The following FGD5 variants were observed in gnomAD, a reference collection of about 807,000 sequenced individuals.
FGD5 encodes the protein FYVE, RhoGEF and PH domain-containing protein 5.
Under a neutral mutation model 133.4 loss-of-function variants are expected in FGD5, and 28 were observed. The ratio of observed to expected loss-of-function variants is 0.21; its 90% CI spans 0.16 to 0.29. The LOEUF (loss-of-function observed/expected upper bound fraction) is 0.29, where lower values mean the gene tolerates loss of function less well. Ranked by LOEUF, FGD5 falls within the 10% of genes least tolerant of loss-of-function variation. The pLI, the probability that FGD5 is intolerant of heterozygous loss-of-function variation, is 1.00. For synonymous variants in FGD5, 810 were observed against 776.5 expected (o/e 1.04, Z -0.72); for missense variants, 1,858 against 1,895.2 (o/e 0.98, Z 0.36).
At chr3:14,911,768 G>A (rs1575252444) in intron 11 of FGD5, among the ~76,000 whole-genome samples, 2 of 148,188 alleles carry the variant, frequency 1.3e-5, no homozygotes, top group East Asian at 2.0e-4. Context: ...AGTTATGAGC[G>A]CGATATGGAG....
chr3:14,839,901 C>T (rs1383071294), intron 1 of FGD5, among the ~76,000 whole-genome samples: 1 of 151,546 alleles, frequency 6.6e-6, no homozygotes, highest in Admixed American at 6.6e-5. Context: ...CCACTGCATT[C>T]CAGCCTGGGC....
chr3:14,927,493 A>G (rs2038826346), intron 18 of FGD5, among the ~76,000 whole-genome samples: 2 of 152,204 alleles, frequency 1.3e-5, no homozygotes, highest in South Asian at 2.1e-4. Flanking sequence ...TGAATGAATG[A>G]TGGACTTAAG....
At chr3:14,866,829 T>C (rs1423051076) in intron 2 of FGD5, among the ~76,000 whole-genome samples, 1 of 151,990 alleles carries the variant, frequency 6.6e-6, no homozygotes, top group East Asian at 1.9e-4. Context: ...GGGTCCTTCA[T>C]GTGTCCTGTG....
At chr3:14,884,123 C>T (rs1478899886) in intron 4 of FGD5, among the ~76,000 whole-genome samples, 1 of 152,228 alleles carries the variant, frequency 6.6e-6, no homozygotes, top group Non-Finnish European at 1.5e-5. Flanking sequence ...GGGCCAAGGA[C>T]CTTATGCCTT....
intron 1 of FGD5, among the ~76,000 whole-genome samples, chr3:14,856,714 A>T (rs1042329007): frequency 3.3e-5 from 5 of 152,080 alleles, no homozygotes; most frequent in Admixed American, 2.6e-4. Context: ...TAGAAATGCT[A>T]CGGATTTTTA....
upstream of FGD5, among the ~76,000 whole-genome samples, chr3:14,815,631 A>G (rs1428067792): frequency 6.6e-6 from 1 of 152,216 alleles, no homozygotes; most frequent in Non-Finnish European, 1.5e-5. Context: ...TTGGTCAGTT[A>G]GTAGTTCTGA....
At chr3:14,883,927 G>A (rs1339602439) in intron 4 of FGD5, among the ~76,000 whole-genome samples, 1 of 152,224 alleles carries the variant, frequency 6.6e-6, no homozygotes, top group African/African-American at 2.4e-5. Flanking sequence ...GGAAGAGGGC[G>A]TGTAAGGTAA....
In FGD5 at chr3:14,922,755, A is replaced by G. The variant is rs1269585450; in HGVS notation, c.3807+207A>G. On this transcript the variant is annotated intron_variant, in intron 15 of 19. Transcript: ENST00000285046. The surrounding 1 kb of genome is among the most constrained non-coding windows in gnomAD (Gnocchi z 4.1). ...GCTCCAAGTCCCAGGCCTCTTCCACACCACCACGTTTTCAACAGAAAACCG... is the reference window on the plus strand; with the variant it reads ...GCTCCAAGTCCCAGGCCTCTTCCACGCCACCACGTTTTCAACAGAAAACCG... 6.6e-6 allele frequency among the ~76,000 whole-genome samples: 1 copy of G among 152,168 alleles called. No individual in the cohort carries two copies. The highest frequency in any genetic ancestry group is 1.9e-4 in the East Asian group (1 of 5,192).
At chr3:14,858,941 G>A (rs2037342799) in intron 1 of FGD5, among the ~76,000 whole-genome samples, 1 of 152,094 alleles carries the variant, frequency 6.6e-6, no homozygotes, top group African/African-American at 2.4e-5. Context: ...TGACAGCCTT[G>A]GTTTTAGTAT....
chr3:14,821,075 A>G lies in FGD5; in HGVS notation c.2004A>G (p.Lys668=). Residue 668 remains lysine (K), a synonymous_variant, in exon 1 of 20, where the codon AAA becomes AAG. Coordinates refer to ENST00000285046, the MANE Select transcript of FGD5 (RefSeq NM_152536.4). ...CGTTTAAGAAGAAGACGGAGAACAAATTGCATGTGGATGTGAACGTGTCTT... is the reference window on the plus strand; with the variant it reads ...CGTTTAAGAAGAAGACGGAGAACAAGTTGCATGTGGATGTGAACGTGTCTT... ...ALTFKKKTEN[K]LHVDVNVSSS... 1 of 1,613,880 alleles carries G rather than the reference A, an allele frequency of 6.2e-7. No individual in the cohort carries two copies. Among genetic ancestry groups the G allele is most frequent in the Non-Finnish European group, 8.5e-7 (1 of 1,179,840 alleles).
chr3:14,926,126 G>A lies in FGD5; in HGVS notation c.4125G>A (p.Arg1375=). The change falls in exon 18 of 20, where the codon AGG becomes AGA. Residue 1375 remains arginine, a synonymous_variant. Coordinates refer to ENST00000285046, the MANE Select transcript of FGD5 (RefSeq NM_152536.4). ...GTGGCTATCTCAGCCGGTGTAAGAG[G>A]GGCAAGCGGCACTGGAAGAAGCTCT... is the stretch of plus-strand genomic sequence containing the variant. ...AISGYLSRCK[R]GKRHWKKLWF... 6.2e-7 allele frequency: 1 copy of A among 1,613,946 alleles called. No homozygotes were observed. The highest frequency in any genetic ancestry group is 8.5e-7 in the Non-Finnish European group (1 of 1,179,854).
chr3:14,907,757 G>T (rs1380115919), intron 10 of FGD5, 46 bp downstream of exon 10: 5 of 1,580,146 alleles, frequency 3.2e-6, no homozygotes, highest in Non-Finnish European at 3.5e-6. Context: ...GCTGGGCGAG[G>T]CTCCGATAAG....
In FGD5 at chr3:14,820,391, G is replaced by T; in HGVS notation, c.1320G>T (p.Ala440=). The part of the protein sequence containing the change: ...YVMGVGLPGQ[A]APGEGGQAAS... ...TGGGAGTGGGCCTGCCCGGTCAGGC[G>T]GCCCCTGGAGAAGGAGGGCAGGCTG... Residue 440 remains alanine, a synonymous_variant, in exon 1 of 20, where the codon GCG becomes GCT. Coordinates refer to ENST00000285046, the MANE Select transcript of FGD5 (RefSeq NM_152536.4). 6.2e-7 allele frequency: 1 copy of T among 1,613,904 alleles called. No individual in the cohort carries two copies. The highest frequency in any genetic ancestry group is 8.5e-7 in the Non-Finnish European group (1 of 1,179,862).
chr3:14,867,057 A>G (rs1173451723), intron 2 of FGD5, among the ~76,000 whole-genome samples: 5 of 152,222 alleles, frequency 3.3e-5, no homozygotes, highest in Admixed American at 6.5e-5. Flanking sequence ...TAAGGCTTGC[A>G]TTATATACCA....
chr3:14,855,786 G>A lies in FGD5; in HGVS notation c.2526-8342G>A, dbSNP rs540370225. On this transcript the variant is annotated intron_variant, in intron 1 of 19. Coordinates refer to ENST00000285046, the MANE Select transcript of FGD5 (RefSeq NM_152536.4). Reference sequence around the variant, plus strand: ...CTATTCTGGATATTAATCCCCTGTCGGATGAGTAGTTTGCAGATATTTTCT... The same window carrying A: ...CTATTCTGGATATTAATCCCCTGTCAGATGAGTAGTTTGCAGATATTTTCT... Among the ~76,000 whole-genome samples, 16 of 151,904 alleles carry A rather than the reference G, an allele frequency of 1.1e-4. No individual in the cohort carries two copies. The East Asian group carries it at 1.5e-3, about 15-fold the overall frequency.
rs1267343010 is a variant in FGD5, at chr3:14,933,207, C to A, written c.*40C>A. Reference sequence around the variant, plus strand: ...GTGGACTTGTAACAAATTCTTAGGTCAATATGTGAATGCTTTTAGAAGCTA... The same window carrying A: ...GTGGACTTGTAACAAATTCTTAGGTAAATATGTGAATGCTTTTAGAAGCTA... On this transcript the variant is annotated 3_prime_UTR_variant, in exon 20 of 20. Transcript: ENST00000285046. 1 of 1,605,020 alleles carries A rather than the reference C, an allele frequency of 6.2e-7. No individual in the cohort carries two copies. Among genetic ancestry groups the A allele is most frequent in the Non-Finnish European group, 8.5e-7 (1 of 1,174,780 alleles).
intron 2 of FGD5, among the ~76,000 whole-genome samples, chr3:14,875,102 G>A (rs892114093): frequency 6.6e-5 from 10 of 152,186 alleles, no homozygotes; most frequent in Non-Finnish European, 1.0e-4. Flanking sequence ...CTGCCCCAGT[G>A]GTCCCCAGGG....
At position 14,820,444 on chromosome 3, in the gene FGD5, C is replaced by T. The variant is rs199523576; in HGVS notation, c.1373C>T (p.Ser458Leu). The change falls in exon 1 of 20, where the codon TCG becomes TTG. Residue 458 changes from serine to leucine, a missense_variant. By Grantham distance (145) the Ser-to-Leu change is moderately radical. Around this residue, in one of 3 missense-constraint regions of FGD5, gnomAD observed 1,824 missense variants for 1,848.9 expected, o/e 0.99. Coordinates refer to ENST00000285046, the MANE Select transcript of FGD5 (RefSeq NM_152536.4). ...TCGGACGCCCTGGGTGGTTATGGCTCGAAAGAAGAATTGAACTGTGAGGCA... is the reference window on the plus strand; with the variant it reads ...TCGGACGCCCTGGGTGGTTATGGCTTGAAAGAAGAATTGAACTGTGAGGCA... ...AASDALGGYGSKEELNCEAEG... is the reference protein window; with the variant it reads ...AASDALGGYGLKEELNCEAEG... 1.8e-5 allele frequency: 29 copies of T among 1,613,848 alleles called. No individual in the cohort carries two copies. The highest frequency in any genetic ancestry group is 1.0e-4 in the Admixed American group (6 of 60,012).
At chr3:14,845,681 A>C (rs1462984715) in intron 1 of FGD5, among the ~76,000 whole-genome samples, 1 of 152,224 alleles carries the variant, frequency 6.6e-6, no homozygotes, top group African/African-American at 2.4e-5. Context: ...ACTTTGCATC[A>C]GAAACAAGAT....
Sources: allele counts gnomAD v4.1 joint callset (sites outside exome capture counted in the v4.1 genomes callset), GRCh38; gene constraint gnomAD v4.1.1; regional missense constraint gnomAD v4.1.1; non-coding constraint Gnocchi (gnomAD v3.1); transcripts MANE v1.5; gene names NCBI Gene and HGNC (gene_info 2026-07-23, HGNC 2026-07-21).